SUN1: variants seen among roughly 807,000 people sequenced by gnomAD.
SUN1 encodes SUN domain-containing protein 1.
A neutral mutation model predicts 103.2 loss-of-function variants in SUN1; 61 were observed. That is an observed-to-expected ratio of 0.59 (90% CI 0.48 to 0.73). SUN1 has a LOEUF of 0.73. Among genes scored for constraint, SUN1 ranks in the 30% least tolerant of loss-of-function variants. The pLI is 0.00. For missense variants in SUN1, 1,052 were observed against 1,034.6 expected (o/e 1.02, Z -0.23); for synonymous variants, 490 against 425.7 (o/e 1.15, Z -1.86).
intron 1 of SUN1, among the ~76,000 whole-genome samples, chr7:833,511 A>G (rs1311559922): frequency 6.6e-6 from 1 of 151,960 alleles, no homozygotes; most frequent in African/African-American, 2.4e-5. Context: ...GGGTTTCACC[A>G]TGTGGACCAG....
intron 5 of SUN1, chr7:850,336 C>G: frequency 5.6e-6 from 2 of 356,602 alleles, no homozygotes; most frequent in Non-Finnish European, 1.0e-5. Flanking sequence ...GTAGCTGGGA[C>G]TACAGGCGCA....
In SUN1 at chr7:857,105, GTCTT is replaced by G. The variant is rs572856959; in HGVS notation, c.1394+709_1394+712del. 1.1e-4 allele frequency among the ~76,000 whole-genome samples: 16 copies of G among 152,248 alleles called. 1 individual carries two copies. In the East Asian group the frequency reaches 3.1e-3, roughly 29 times the overall value. ...CAGGTGTTCCCAACATGGCAGCTTT[GTCTT>G]TCTTACTTCATTTTATGCACGCAGC... On this transcript the variant is annotated intron_variant, in intron 12 of 18. Coordinates refer to ENST00000401592, the MANE Select transcript of SUN1 (RefSeq NM_001130965.3).
At position 832,830 on chromosome 7, in the gene SUN1, G is replaced by A. The variant is rs760397623; in HGVS notation, c.77+229G>A. The A allele has an allele frequency of 1.1e-3, 545 of 504,632 alleles. 3 individuals are homozygous for A. The highest frequency in any genetic ancestry group is 1.6e-3 in the Non-Finnish European group (458 of 282,328). The allele number at this position is 504,632 out of a possible 1,614,324, so 31.3% of individuals were successfully genotyped here. A position where few individuals can be genotyped will look rare whatever the true frequency, so the allele number is the denominator to read the frequency against. The stretch of plus-strand genomic sequence containing the variant: ...GACTGGGTGGTTAGTCATCGCACAT[G>A]GCTTGCTGGCTTCGACCCCACCCAG... On this transcript the variant is annotated intron_variant, in intron 1 of 18. Coordinates refer to ENST00000401592, the MANE Select transcript of SUN1 (RefSeq NM_001130965.3).
intron 5 of SUN1, chr7:848,707 C>G (rs540242804): frequency 7.2e-6 from 6 of 835,382 alleles, no homozygotes; most frequent in South Asian, 1.6e-5. Flanking sequence ...GCCTCCCTCG[C>G]TGCCTCCTCC....
chr7:863,688 T>G (rs1255136971), intron 15 of SUN1, among the ~76,000 whole-genome samples: 1 of 152,164 alleles, frequency 6.6e-6, no homozygotes, highest in Non-Finnish European at 1.5e-5. Flanking sequence ...AATTGGTAAT[T>G]ATTGTGACGG....
upstream of SUN1, among the ~76,000 whole-genome samples, chr7:829,417 A>G (rs1209086455): frequency 6.6e-6 from 1 of 152,176 alleles, no homozygotes; most frequent in Non-Finnish European, 1.5e-5. Context: ...GAGCAGTGCA[A>G]GGGCTGGGGG....
In SUN1 at chr7:852,823, A is replaced by G. The variant is rs1320297941; in HGVS notation, c.924A>G (p.Leu308=). Residue 308 remains leucine, a synonymous_variant, in exon 9 of 19, where the codon TTA becomes TTG. Coordinates refer to ENST00000401592, the MANE Select transcript of SUN1 (RefSeq NM_001130965.3). The part of the protein sequence containing the change: ...PLFLLLAGLS[L]RGQGNFFSFL... ...CTTCTCTTTTAGCAGGTCTCTCCTT[A>G]CGGGGCCAGGGCAATTTCTTTTCGT... 4 of 1,613,310 alleles carry G rather than the reference A, an allele frequency of 2.5e-6. No homozygotes were observed. Among genetic ancestry groups the G allele is most frequent in the Non-Finnish European group, 3.4e-6 (4 of 1,179,498 alleles).
At chr7:869,280 C>T in intron 16 of SUN1, 69 bp from the exon 17 acceptor site, 9 of 1,533,556 alleles carry the variant, frequency 5.9e-6, no homozygotes, top group Non-Finnish European at 7.9e-6. Flanking sequence ...ATCAGTCTTT[C>T]CTCTTCCTGC....
At chr7:825,027 T>C (rs1160065665) in intron 1 of SUN1, among the ~76,000 whole-genome samples, 1 of 152,080 alleles carries the variant, frequency 6.6e-6, no homozygotes, top group African/African-American at 2.4e-5. Context: ...GAAGATGAAA[T>C]TTGTTTCTTT....
In SUN1 at chr7:837,013, G is replaced by A. The variant is rs558483698; in HGVS notation, c.78-1785G>A. Among the ~76,000 whole-genome samples the A allele has an allele frequency of 1.4e-4, 21 of 152,360 alleles. No individual in the cohort carries two copies. The South Asian group carries it at 3.9e-3, about 29-fold the overall frequency. Reference sequence around the variant, plus strand: ...CACACATGGCCCCCGACGCATGGATGGCCTGAGGACCTGGGGACTGCGAAT... The same window carrying A: ...CACACATGGCCCCCGACGCATGGATAGCCTGAGGACCTGGGGACTGCGAAT... On this transcript the variant is annotated intron_variant, in intron 1 of 18. Transcript: ENST00000401592.
intron 13 of SUN1, among the ~76,000 whole-genome samples, 182 bp from the exon 14 acceptor site, chr7:859,946 T>A (rs1830918278): frequency 6.6e-6 from 1 of 152,212 alleles, no homozygotes; most frequent in African/African-American, 2.4e-5. Flanking sequence ...CTGTTCTTTT[T>A]AACATGGTCC....
At chr7:863,865 A>G (rs1463177947) in intron 15 of SUN1, among the ~76,000 whole-genome samples, 8 of 152,220 alleles carry the variant, frequency 5.3e-5, no homozygotes, top group African/African-American at 1.4e-4. Flanking sequence ...CAGTTTCAGT[A>G]AGTAAAAATT....
At chr7:853,072 T>C (rs953240569) in intron 9 of SUN1, 120 bp downstream of exon 9, 39 of 1,345,936 alleles carry the variant, frequency 2.9e-5, no homozygotes, top group Non-Finnish European at 3.7e-5. Flanking sequence ...TATTTTTAAA[T>C]GTCAGATAAG....
At chr7:832,700 C>T (rs1356032779) in intron 1 of SUN1, 99 bp downstream of exon 1, 7 of 886,022 alleles carry the variant, frequency 7.9e-6, no homozygotes, top group Middle Eastern at 2.5e-4. Context: ...CTACCGACTA[C>T]ATGCTGTATT....
intron 13 of SUN1, among the ~76,000 whole-genome samples, chr7:859,850 G>A (rs555873678): frequency 9.5e-4 from 145 of 152,266 alleles, no homozygotes; most frequent in African/African-American, 3.3e-3. Flanking sequence ...GGATGGACAC[G>A]CACCTCCAGA....
rs564005171 is a variant in SUN1, at chr7:836,676, C to T, written c.78-2122C>T. On this transcript the variant is annotated intron_variant, in intron 1 of 18. Coordinates refer to ENST00000401592, the MANE Select transcript of SUN1 (RefSeq NM_001130965.3). ...TCCAGGCCTTCAGCTGACTGGAGGG[C>T]AGTCTGCTTTCCTAGTGTTTTAATT... 1.6e-4 allele frequency among the ~76,000 whole-genome samples: 24 copies of T among 152,312 alleles called. No individual in the cohort carries two copies. The East Asian group carries it at 4.6e-3, about 29-fold the overall frequency.
Position 873,344 on chromosome 7 carries a change from T to A in SUN1, c.*13T>A. 2.5e-6 allele frequency: 4 copies of A among 1,608,908 alleles called. No individual in the cohort carries two copies. The highest frequency in any genetic ancestry group is 3.4e-6 in the Non-Finnish European group (4 of 1,175,354). On this transcript the variant is annotated 3_prime_UTR_variant, in exon 19 of 19. Transcript: ENST00000401592. ...ACCTGTCAAGTGAAGACACTACTCA[T>A]TATTTTTGTACATTTTTGTATATAC...
intron 5 of SUN1, among the ~76,000 whole-genome samples, chr7:844,119 C>T (rs1010057363): frequency 4.6e-5 from 7 of 152,132 alleles, no homozygotes; most frequent in African/African-American, 1.2e-4. Context: ...GGTGTCACCG[C>T]GGGGGGCCTC....
intron 5 of SUN1, among the ~76,000 whole-genome samples, chr7:845,681 T>A (rs1814882866): frequency 6.6e-6 from 1 of 152,228 alleles, no homozygotes; most frequent in Admixed American, 6.5e-5. Context: ...TGTTTGTTTT[T>A]GTTTTTTATG....
Sources: allele counts gnomAD v4.1 joint callset (sites outside exome capture counted in the v4.1 genomes callset), GRCh38; gene constraint gnomAD v4.1.1; transcripts MANE v1.5; gene names NCBI Gene and HGNC (gene_info 2026-07-23, HGNC 2026-07-21).